Variants in XIRP2 observed in about 807,000 individuals in gnomAD.
The protein encoded by XIRP2 is xin actin-binding repeat-containing protein 2.
In XIRP2, 236 loss-of-function variants were observed where a neutral mutation model predicts 277.0. That is an observed-to-expected ratio of 0.85 (90% confidence interval 0.77 to 0.95). The LOEUF is 0.95. Among genes scored for constraint, XIRP2 ranks in the 40% least tolerant of loss-of-function variants. The probability of loss-of-function intolerance (pLI) is 0.00; values close to 1 mark genes in which losing one functional copy is unlikely to be tolerated. For missense variants in XIRP2, 4,640 were observed against 4,157.5 expected, an observed-to-expected ratio of 1.12 and a Z score of -3.19; for synonymous variants, 1,490 against 1,416.5, an observed-to-expected ratio of 1.05 and a Z score of -1.17.
intron 2 of XIRP2, among the ~76,000 whole-genome samples, chr2:166,986,737 T>A (rs1235351584): frequency 2.6e-5 from 4 of 152,228 alleles, no homozygotes; most frequent in Non-Finnish European, 4.4e-5. Flanking sequence ...GATCTTTGTA[T>A]TGAATTAATT....
rs191516217 is a variant in XIRP2 at position 166,905,176 on chromosome 2, G to A, written c.408+1286G>A. On this transcript the variant is annotated intron_variant, in intron 2 of 10. Transcript: ENST00000409195. ...TTTTAGATGAATGTTTAGGGATTGG[G>A]GTACACAACAAAGATAGTTACAATG... Among the ~76,000 whole-genome samples, 34 of 151,758 alleles carry A rather than the reference G, an allele frequency of 2.2e-4. No individual in the cohort carries two copies. The East Asian group carries it at 5.4e-3, about 24-fold the overall frequency.
chr2:167,171,059 C>T (rs556778621), intron 3 of XIRP2, among the ~76,000 whole-genome samples: 1 of 151,824 alleles, frequency 6.6e-6, no homozygotes, highest in Admixed American at 6.6e-5. Flanking sequence ...ACCACCATAC[C>T]CAGCTAATTT....
intron 2 of XIRP2, among the ~76,000 whole-genome samples, chr2:166,944,279 G>T (rs1197380083): frequency 3.9e-5 from 6 of 152,156 alleles, no homozygotes; most frequent in East Asian, 1.9e-4. Context: ...TAAGAGAAAA[G>T]AAGCAATTAT....
chr2:166,998,514 G>A (rs1335783968), intron 2 of XIRP2, among the ~76,000 whole-genome samples: 1 of 152,090 alleles, frequency 6.6e-6, no homozygotes, highest in Non-Finnish European at 1.5e-5. Context: ...GCAGGTGCCT[G>A]TAGTCCCAGC....
At position 167,259,035 on chromosome 2, in the gene XIRP2, GC is replaced by G; in HGVS notation, c.*1219del. 6.2e-7 allele frequency: 1 copy of G among 1,609,480 alleles called. No homozygotes were observed. Among genetic ancestry groups the G allele is most frequent in the Non-Finnish European group, 8.5e-7 (1 of 1,177,048 alleles). On this transcript the variant is annotated 3_prime_UTR_variant, in exon 11 of 11. Coordinates refer to ENST00000409195, the MANE Select transcript of XIRP2 (RefSeq NM_152381.6). ...AACATTAAAGGAAGCCATTCAAAGA[GC>G]AAAAATTTACACTTTTTCTTTTCTA... is the stretch of plus-strand genomic sequence containing the variant.
At chr2:166,974,310 A>C (rs1686655900) in intron 2 of XIRP2, among the ~76,000 whole-genome samples, 1 of 152,204 alleles carries the variant, frequency 6.6e-6, no homozygotes, top group South Asian at 2.1e-4. Flanking sequence ...AATGACACCG[A>C]GTAGAAACAA....
intron 2 of XIRP2, among the ~76,000 whole-genome samples, chr2:166,949,582 G>A (rs926020666): frequency 3.9e-5 from 6 of 152,020 alleles, no homozygotes; most frequent in Non-Finnish European, 7.4e-5. Context: ...TTCTCCATGT[G>A]AATAGCACCT....
intron 3 of XIRP2, among the ~76,000 whole-genome samples, chr2:167,153,637 C>T (rs1466900569): frequency 1.3e-5 from 2 of 151,820 alleles, no homozygotes; most frequent in Admixed American, 6.6e-5. Context: ...CAATTCCCAC[C>T]TATGAGTGAG....
chr2:166,987,368 C>T (rs1227463924), intron 2 of XIRP2, among the ~76,000 whole-genome samples: 6 of 152,096 alleles, frequency 3.9e-5, no homozygotes, highest in East Asian at 1.9e-4. Context: ...ACAGGATAAT[C>T]GTCTATCCTG....
chr2:167,153,091 A>G (rs1692063720), intron 3 of XIRP2, among the ~76,000 whole-genome samples: 1 of 152,138 alleles, frequency 6.6e-6, no homozygotes, highest in Non-Finnish European at 1.5e-5. Context: ...TGTGGAGTGT[A>G]TCTCAAAATA....
chr2:167,151,895 T>G (rs1692026926), intron 3 of XIRP2, among the ~76,000 whole-genome samples: 1 of 152,116 alleles, frequency 6.6e-6, no homozygotes, highest in South Asian at 2.1e-4. Context: ...CTACTAGATT[T>G]CAAAGGAATT....
chr2:167,050,526 C>G (rs1001520463), intron 2 of XIRP2, among the ~76,000 whole-genome samples: 1 of 151,850 alleles, frequency 6.6e-6, no homozygotes, highest in African/African-American at 2.4e-5. Context: ...TGGCATAGAA[C>G]TGTTAGAATG....
chr2:167,226,628 C>T (rs966192289), intron 5 of XIRP2, among the ~76,000 whole-genome samples: 1 of 152,094 alleles, frequency 6.6e-6, no homozygotes, highest in Non-Finnish European at 1.5e-5. Context: ...TTCCCTTGCC[C>T]TCATAAAAGC....
chr2:167,195,861 A>C (rs995743224), intron 3 of XIRP2, among the ~76,000 whole-genome samples: 34 of 152,200 alleles, frequency 2.2e-4, no homozygotes, highest in Middle Eastern at 3.2e-3. Flanking sequence ...GGGCTGCAGG[A>C]GTAGGTCTGA....
intron 3 of XIRP2, among the ~76,000 whole-genome samples, chr2:167,150,369 G>T (rs77414646): frequency 1.3e-5 from 2 of 151,700 alleles, no homozygotes; most frequent in East Asian, 3.9e-4. Context: ...AAATTTAAAA[G>T]GTCAACCAAC....
intron 2 of XIRP2, among the ~76,000 whole-genome samples, chr2:167,058,028 T>C (rs1689081661): frequency 8.7e-6 from 1 of 114,994 alleles, no homozygotes; most frequent in Non-Finnish European, 1.8e-5. Flanking sequence ...ATAATTATTT[T>C]ATTTTATTTT....
At chr2:166,974,599 G>A (rs1424906932) in intron 2 of XIRP2, among the ~76,000 whole-genome samples, 1 of 151,898 alleles carries the variant, frequency 6.6e-6, no homozygotes, top group Admixed American at 6.6e-5. Context: ...CTATGGTAAT[G>A]ATAAATATTG....
At chr2:167,200,005 T>A (rs1693634337) in intron 3 of XIRP2, among the ~76,000 whole-genome samples, 1 of 152,166 alleles carries the variant, frequency 6.6e-6, no homozygotes, top group African/African-American at 2.4e-5. Flanking sequence ...TGATATGAAA[T>A]TTTTGGATTT....
intron 3 of XIRP2, chr2:167,187,629 TA>T (rs1440269782): frequency 2.5e-6 from 2 of 810,856 alleles, no homozygotes; most frequent in African/African-American, 3.7e-5. Flanking sequence ...GGTCAAATTG[TA>T]ATCATTGTAA....
Sources: gnomAD v4.1 joint callset for allele counts (sites outside exome capture counted in the v4.1 genomes callset) on GRCh38, gnomAD v4.1.1 for gene constraint, MANE v1.5 for transcripts, NCBI Gene and HGNC (gene_info 2026-07-23, HGNC 2026-07-21) for gene names.